The following STK4 variants were observed in gnomAD, a reference collection of about 807,000 sequenced individuals.
The protein encoded by STK4 is serine/threonine kinase 4.
A neutral mutation model predicts 64.9 loss-of-function variants in STK4; 30 were observed. The observed-to-expected ratio is 0.46, with a 90% confidence interval of 0.35 to 0.63. The LOEUF is 0.63. Among genes scored for constraint, STK4 ranks in the 20% least tolerant of loss-of-function variants. STK4 has a pLI of 0.01. For synonymous variants in STK4, 177 were observed against 199.0 expected (o/e 0.89, Z 0.93); for missense variants, 466 against 598.5 (o/e 0.78, Z 2.31).
Position 44,978,553 on chromosome 20 carries a change from T to C in STK4, c.227T>C (p.Ile76Thr). ...DLQEIIKEIS[I>T]MQQCDSPHVV... ...CAGGAGATAATCAAAGAAATCTCTA[T>C]AATGCAGCAATGTGACAGGTAAAGG... The change falls in exon 3 of 11, where the codon ATA becomes ACA. Residue 76 changes from isoleucine to threonine, a missense_variant. Ile to Thr is a moderately conservative substitution (Grantham distance 89). Transcript: ENST00000372806. 6.2e-7 allele frequency: 1 copy of C among 1,614,050 alleles called. No homozygotes were observed. The highest frequency in any genetic ancestry group is 8.5e-7 in the Non-Finnish European group (1 of 1,179,984).
At chr20:45,030,463 A>G (rs117295276) in intron 10 of STK4, among the ~76,000 whole-genome samples, 1,734 of 152,308 alleles carry the variant, frequency 0.011, 21 homozygotes, top group Non-Finnish European at 0.019. Flanking sequence ...AATTATGAAA[A>G]AAGATAATTC....
chr20:45,064,563 A>G (rs1006175037), intron 10 of STK4, among the ~76,000 whole-genome samples: 2 of 152,134 alleles, frequency 1.3e-5, no homozygotes, highest in African/African-American at 4.8e-5. Context: ...ATCTATGAAC[A>G]TGGAATGTTT....
At chr20:45,031,336 G>C (rs1308392417) in intron 10 of STK4, among the ~76,000 whole-genome samples, 3 of 152,116 alleles carry the variant, frequency 2.0e-5, no homozygotes, top group African/African-American at 7.2e-5. Context: ...TATGTGTAAG[G>C]AAGGAAAGGA....
intron 10 of STK4, among the ~76,000 whole-genome samples, chr20:45,072,986 A>G (rs78528376): frequency 0.028 from 4,259 of 152,308 alleles, 186 homozygotes; most frequent in African/African-American, 0.092. Context: ...GTGGAGGAAC[A>G]AAATAGTATT....
At chr20:44,997,022 A>T in intron 6 of STK4, 147 bp from the exon 7 acceptor site, 1 of 1,083,852 alleles carries the variant, frequency 9.2e-7, no homozygotes, top group Non-Finnish European at 1.3e-6. Context: ...TCAGATGCTT[A>T]GACTTTTGTT....
rs11086950 is a variant in STK4 at position 45,078,172 on chromosome 20, TAA to T, written c.*3006_*3007del. ...AGAAACAATGACCTGATTCTGTCTT[TAA>T]AAAAAAAAATCTCAGAATTCTTTTT... is the stretch of plus-strand genomic sequence containing the variant. On this transcript the variant is annotated 3_prime_UTR_variant, in exon 11 of 11. Transcript: ENST00000372806. 0.13 allele frequency: 18,507 copies of T among 147,692 alleles called. 1,515 individuals carry two copies. The highest frequency in any genetic ancestry group is 0.22 in the East Asian group (1,129 of 5,084). The allele number at this position is 147,692 out of a possible 1,614,324, so 9.1% of individuals were successfully genotyped here.
intron 10 of STK4, among the ~76,000 whole-genome samples, chr20:45,035,912 G>A (rs2068520352): frequency 6.6e-6 from 1 of 152,114 alleles, no homozygotes; most frequent in African/African-American, 2.4e-5. Context: ...TATGTGCCAG[G>A]CATTACATAT....
chr20:45,062,989 C>CTTTTTTTTTTTTTTTTTTTT (rs71197599), intron 10 of STK4, among the ~76,000 whole-genome samples: 6 of 31,500 alleles, frequency 1.9e-4, no homozygotes, highest in Non-Finnish European at 2.3e-4. Context: ...CGCACCCGGC[C>CTTTTTTTTTTTTTTTTTTTT]TTTTTTTTTT....
Position 45,075,109 on chromosome 20 carries a change from A to G in STK4, c.1397A>G (p.Tyr466Cys). Residue 466 changes from tyrosine to cysteine, a missense_variant, in exon 11 of 11, where the codon TAC (tyrosine) becomes TGC (cysteine). Coordinates refer to ENST00000372806, the MANE Select transcript of STK4 (RefSeq NM_006282.5). ...GAGATTGAAGAGATCCGGCAGAAGTACCAGTCCAAGCGGCAGCCCATCCTG... is the reference window on the plus strand; with the variant it reads ...GAGATTGAAGAGATCCGGCAGAAGTGCCAGTCCAAGCGGCAGCCCATCCTG... Reference protein sequence around the residue: ...EQEIEEIRQKYQSKRQPILDA... With the variant: ...EQEIEEIRQKCQSKRQPILDA... 1 of 1,614,220 alleles carries G rather than the reference A, an allele frequency of 6.2e-7. No homozygotes were observed. The highest frequency in any genetic ancestry group is 8.5e-7 in the Non-Finnish European group (1 of 1,180,042).
chr20:45,054,133 G>T (rs1239104794), intron 10 of STK4, among the ~76,000 whole-genome samples: 2 of 152,134 alleles, frequency 1.3e-5, no homozygotes, highest in African/African-American at 4.8e-5. Context: ...CTAAATCGTG[G>T]GTTCTCTGTA....
chr20:44,978,707 C>T, intron 3 of STK4, 136 bp downstream of exon 3: 3 of 995,054 alleles, frequency 3.0e-6, no homozygotes, highest in South Asian at 3.1e-5. Context: ...TGTGCATTTT[C>T]TTTTCAGAAA....
At chr20:44,995,800 G>A (rs2067720184) in intron 6 of STK4, among the ~76,000 whole-genome samples, 1 of 152,024 alleles carries the variant, frequency 6.6e-6, no homozygotes, top group Non-Finnish European at 1.5e-5. Flanking sequence ...CCCTCTGGCA[G>A]GACATAGGCC....
At chr20:45,017,735 T>C (rs1235241388) in intron 9 of STK4, among the ~76,000 whole-genome samples, 1 of 152,190 alleles carries the variant, frequency 6.6e-6, no homozygotes, top group Non-Finnish European at 1.5e-5. Context: ...CCTGTGAACA[T>C]TTTTTATCTT....
chr20:45,021,061 C>A lies in STK4; in HGVS notation c.1148-3912C>A, dbSNP rs140866321. On this transcript the variant is annotated intron_variant, in intron 9 of 10. Coordinates refer to ENST00000372806, the MANE Select transcript of STK4 (RefSeq NM_006282.5). ...TCTCGAACTCCTGGGCTCAAGCAGTCTACCCACCTTGGCCTCCAAAGTGGT... is the reference window on the plus strand; with the variant it reads ...TCTCGAACTCCTGGGCTCAAGCAGTATACCCACCTTGGCCTCCAAAGTGGT... Among the ~76,000 whole-genome samples the A allele has an allele frequency of 3.5e-3, 534 of 152,228 alleles. 2 individuals carry two copies. Among genetic ancestry groups the A allele is most frequent in the African/African-American group, 0.012 (492 of 41,530 alleles).
chr20:45,062,471 A>G (rs1979122177), intron 10 of STK4, among the ~76,000 whole-genome samples: 1 of 152,180 alleles, frequency 6.6e-6, no homozygotes, highest in South Asian at 2.1e-4. Context: ...CCAAATGGTA[A>G]TGCTGTTTTA....
chr20:44,994,955 AT>A (rs1213437089), intron 5 of STK4, 134 bp from the exon 6 acceptor site: 39 of 690,710 alleles, frequency 5.6e-5, no homozygotes, highest in Non-Finnish European at 7.1e-5. Context: ...AGTACAAGGC[AT>A]TTTTTTATTG....
At chr20:45,050,843 T>C (rs1266833212) in intron 10 of STK4, among the ~76,000 whole-genome samples, 1 of 152,152 alleles carries the variant, frequency 6.6e-6, no homozygotes, top group Non-Finnish European at 1.5e-5. Flanking sequence ...ATTACAAAAA[T>C]ATTAACCCTT....
intron 10 of STK4, among the ~76,000 whole-genome samples, chr20:45,026,927 T>G (rs1468700841): frequency 2.0e-5 from 3 of 152,104 alleles, no homozygotes; most frequent in Non-Finnish European, 4.4e-5. Flanking sequence ...ACTTACGAAA[T>G]TTGAATTATT....
intron 9 of STK4, among the ~76,000 whole-genome samples, chr20:45,002,066 C>T (rs1758963081): frequency 6.6e-6 from 1 of 152,138 alleles, no homozygotes; most frequent in Non-Finnish European, 1.5e-5. Context: ...CCTTCTCCTC[C>T]CCTCCTGTTT....
Sources: gnomAD v4.1 joint callset for allele counts (sites outside exome capture counted in the v4.1 genomes callset) on GRCh38, gnomAD v4.1.1 for gene constraint, MANE v1.5 for transcripts, NCBI Gene and HGNC (gene_info 2026-07-23, HGNC 2026-07-21) for gene names.